GRIP1: variants seen among roughly 807,000 people sequenced by gnomAD.
GRIP1 encodes glutamate receptor-interacting protein 1.
A neutral mutation model predicts 129.9 loss-of-function variants in GRIP1; 45 were observed. The observed-to-expected ratio is 0.35, with a 90% CI of 0.27 to 0.44. GRIP1 has a LOEUF of 0.44. Ranked by LOEUF, GRIP1 falls within the 20% of genes least tolerant of loss-of-function variation. GRIP1 has a pLI of 1.00. For synonymous variants in GRIP1, 530 were observed against 520.8 expected (o/e 1.02, Z -0.24); for missense variants, 1,196 against 1,396.8 (o/e 0.86, Z 2.29).
intron 1 of GRIP1, among the ~76,000 whole-genome samples, chr12:67,049,285 T>C (rs943300869): frequency 2.0e-5 from 3 of 152,216 alleles, no homozygotes; most frequent in African/African-American, 7.2e-5. Context: ...ACCATAGACT[T>C]TGAGGACAGG....
intron 1 of GRIP1, among the ~76,000 whole-genome samples, chr12:66,913,071 C>T (rs982738913): frequency 3.3e-5 from 5 of 152,182 alleles, no homozygotes; most frequent in Non-Finnish European, 7.3e-5. Context: ...GGTTGCCAAA[C>T]AAGTCGGCCG....
chr12:66,456,225 GCTGGTACT>G lies in GRIP1; in HGVS notation c.1152_1159del (p.Arg384SerfsTer123), dbSNP rs1468786681. ...AGGAGGTGCTTTCGGGAATGTCAGG[GCTGGTACT>G]CTGCAATGGTCAGGGTGGTACGTGT... On this transcript the variant is annotated frameshift_variant, in exon 10 of 25. Coordinates refer to ENST00000359742, the MANE Select transcript of GRIP1 (RefSeq NM_001366722.1). LOFTEE classifies it high-confidence loss of function. 3 of 1,289,522 alleles carry G rather than the reference GCTGGTACT, an allele frequency of 2.3e-6. No homozygotes were observed. The highest frequency in any genetic ancestry group is 2.0e-6 in the Non-Finnish European group (2 of 988,314). 79.9% of individuals were successfully genotyped at this position (1,289,522 alleles called of 1,614,324 possible). A position where few individuals can be genotyped will look rare whatever the true frequency, so the allele number is the denominator to read the frequency against.
chr12:66,716,601 A>T (rs1268711448), intron 1 of GRIP1, among the ~76,000 whole-genome samples: 1 of 151,802 alleles, frequency 6.6e-6, no homozygotes, highest in Admixed American at 6.6e-5. Context: ...TTATCCTTTA[A>T]GGATTTCCTT....
At chr12:66,869,774 G>C (rs900120023) in intron 1 of GRIP1, among the ~76,000 whole-genome samples, 2 of 152,120 alleles carry the variant, frequency 1.3e-5, no homozygotes, top group African/African-American at 4.8e-5. Flanking sequence ...CAGGTATCTT[G>C]TAAAGATACA....
intron 1 of GRIP1, among the ~76,000 whole-genome samples, chr12:67,038,355 C>A (rs909514873): frequency 1.3e-5 from 2 of 152,188 alleles, no homozygotes; most frequent in Non-Finnish European, 2.9e-5. Context: ...ATAATAAATT[C>A]TCTCTTTTAA....
chr12:66,584,864 T>A (rs2063554500), intron 2 of GRIP1, among the ~76,000 whole-genome samples: 1 of 151,674 alleles, frequency 6.6e-6, no homozygotes, highest in African/African-American at 2.4e-5. Context: ...CCCTCCATAC[T>A]CTCTGTGGAT....
At chr12:66,672,818 C>A (rs953908571) in intron 1 of GRIP1, among the ~76,000 whole-genome samples, 3 of 152,082 alleles carry the variant, frequency 2.0e-5, no homozygotes, top group Non-Finnish European at 4.4e-5. Context: ...AAAATTAAAT[C>A]ATTTTGTTAT....
chr12:66,420,417 T>TTTA (rs2057764733), intron 15 of GRIP1, among the ~76,000 whole-genome samples: 1 of 144,948 alleles, frequency 6.9e-6, no homozygotes, highest in Non-Finnish European at 1.5e-5. Flanking sequence ...CTTTCAGGGT[T>TTTA]TTTTTTTTTT....
intron 1 of GRIP1, among the ~76,000 whole-genome samples, chr12:66,639,980 C>T (rs1449351160): frequency 1.3e-5 from 2 of 152,144 alleles, no homozygotes; most frequent in Non-Finnish European, 2.9e-5. Flanking sequence ...CTATGCCTTT[C>T]CACATACCCA....
chr12:66,622,191 T>C (rs2065297092), intron 1 of GRIP1, among the ~76,000 whole-genome samples: 1 of 152,156 alleles, frequency 6.6e-6, no homozygotes, highest in Non-Finnish European at 1.5e-5. Flanking sequence ...GATTAACCTA[T>C]AATACAATTA....
intron 1 of GRIP1, among the ~76,000 whole-genome samples, chr12:66,598,500 G>A (rs1011578449): frequency 3.9e-5 from 6 of 152,098 alleles, no homozygotes; most frequent in African/African-American, 1.4e-4. Flanking sequence ...ACACCATTTT[G>A]AGTATAATTA....
chr12:67,014,317 T>A (rs1001403973), intron 1 of GRIP1, among the ~76,000 whole-genome samples: 26 of 152,186 alleles, frequency 1.7e-4, no homozygotes, highest in African/African-American at 6.0e-4. Context: ...TATTCTGGTT[T>A]GAATGATAAA....
At chr12:66,419,303 G>T (rs1443714342) in intron 15 of GRIP1, among the ~76,000 whole-genome samples, 3 of 152,048 alleles carry the variant, frequency 2.0e-5, no homozygotes, top group Non-Finnish European at 4.4e-5. Flanking sequence ...GGCTAGGAAG[G>T]GTAGTGGGGG....
chr12:66,481,665 A>G (rs532336715), intron 7 of GRIP1, among the ~76,000 whole-genome samples: 2 of 152,314 alleles, frequency 1.3e-5, no homozygotes, highest in East Asian at 3.9e-4. Flanking sequence ...TTCTTGCAGC[A>G]CTGTTCACAA....
At position 66,504,722 on chromosome 12, in the gene GRIP1, T is replaced by C. The variant is rs141175211; in HGVS notation, c.724+10897A>G. Among the ~76,000 whole-genome samples the C allele has an allele frequency of 1.9e-3, 285 of 152,322 alleles. 2 individuals are homozygous for C. Among genetic ancestry groups the C allele is most frequent in the African/African-American group, 6.7e-3 (277 of 41,578 alleles). ...AGATGAGCCTCATATATAATGTACA[T>C]AGTTTTGTGATACTTTATCATTTAT... On this transcript the variant is annotated intron_variant, in intron 7 of 24. Coordinates refer to ENST00000359742, the MANE Select transcript of GRIP1 (RefSeq NM_001366722.1).
At chr12:66,536,379 C>T (rs1388938266) in intron 4 of GRIP1, among the ~76,000 whole-genome samples, 1 of 152,126 alleles carries the variant, frequency 6.6e-6, no homozygotes, top group African/African-American at 2.4e-5. Flanking sequence ...TATAGTGATA[C>T]CCCACCCCCT....
intron 19 of GRIP1, among the ~76,000 whole-genome samples, chr12:66,387,787 A>G (rs1007091420): frequency 2.0e-5 from 3 of 152,084 alleles, no homozygotes; most frequent in African/African-American, 7.2e-5. Flanking sequence ...AAGAGAAACG[A>G]AAGAGAAAAA....
At chr12:66,567,224 C>T (rs945613954) in intron 2 of GRIP1, among the ~76,000 whole-genome samples, 6 of 152,030 alleles carry the variant, frequency 3.9e-5, no homozygotes, top group African/African-American at 1.2e-4. Context: ...GTTAGGGTAT[C>T]GATTTTAGAT....
chr12:67,052,413 C>G (rs1022077630), intron 1 of GRIP1, among the ~76,000 whole-genome samples: 1 of 152,118 alleles, frequency 6.6e-6, no homozygotes, highest in African/African-American at 2.4e-5. Context: ...CTATATATAG[C>G]TATCATTACT....
Sources: allele counts gnomAD v4.1 joint callset (sites outside exome capture counted in the v4.1 genomes callset), GRCh38; gene constraint gnomAD v4.1.1; transcripts MANE v1.5; gene names NCBI Gene and HGNC (gene_info 2026-07-23, HGNC 2026-07-21).